PRKG1: variants seen among roughly 807,000 people sequenced by gnomAD.
PRKG1 encodes the protein cGMP-dependent protein kinase 1.
PRKG1 carries 35 observed loss-of-function variants against 88.1 expected under a neutral mutation model. The ratio of observed to expected loss-of-function variants is 0.40; its 90% confidence interval spans 0.30 to 0.53. The LOEUF is 0.53. Ranked by LOEUF, PRKG1 falls within the 20% of genes least tolerant of loss-of-function variation. The pLI is 0.59. For synonymous variants in PRKG1, 303 were observed against 292.5 expected (o/e 1.04, Z -0.37); for missense variants, 540 against 839.8 (o/e 0.64, Z 4.41).
chr10:51,679,656 A>G (rs1840793663), intron 3 of PRKG1, among the ~76,000 whole-genome samples: 1 of 148,866 alleles, frequency 6.7e-6, no homozygotes, highest in African/African-American at 2.5e-5. Context: ...AACCATTTAC[A>G]TAGTTCTGTG....
chr10:51,126,189 A>G (rs1845403950), intron 1 of PRKG1, among the ~76,000 whole-genome samples: 1 of 121,770 alleles, frequency 8.2e-6, no homozygotes, highest in South Asian at 2.5e-4. Context: ...TTTATATATA[A>G]TTATTTATAT....
At chr10:51,031,234 A>T (rs1382827851) in intron 1 of PRKG1, among the ~76,000 whole-genome samples, 1 of 152,172 alleles carries the variant, frequency 6.6e-6, no homozygotes, top group East Asian at 1.9e-4. Flanking sequence ...AAAGGTTATT[A>T]ACATTAATCT....
At chr10:51,992,888 G>A (rs776883480) in intron 5 of PRKG1, among the ~76,000 whole-genome samples, 1 of 152,128 alleles carries the variant, frequency 6.6e-6, no homozygotes, top group Non-Finnish European at 1.5e-5. Flanking sequence ...TAGATATCTA[G>A]AGTGATCTGT....
At chr10:51,784,228 G>A (rs896671479) in intron 3 of PRKG1, among the ~76,000 whole-genome samples, 2 of 152,036 alleles carry the variant, frequency 1.3e-5, no homozygotes, top group African/African-American at 4.8e-5. Context: ...TTAAATACAT[G>A]CTGTGCATGC....
At chr10:51,055,473 A>G (rs1490314777) in intron 1 of PRKG1, among the ~76,000 whole-genome samples, 1 of 152,166 alleles carries the variant, frequency 6.6e-6, no homozygotes. Flanking sequence ...TGCAGGGTCA[A>G]ATAGACAGGT....
chr10:51,694,082 G>T (rs1256089676), intron 3 of PRKG1, among the ~76,000 whole-genome samples: 4 of 152,122 alleles, frequency 2.6e-5, no homozygotes, highest in African/African-American at 9.7e-5. Flanking sequence ...ATAAGAGACT[G>T]ATGAAAAAAG....
intron 2 of PRKG1, among the ~76,000 whole-genome samples, chr10:51,303,140 T>A (rs1840937016): frequency 6.6e-6 from 1 of 152,160 alleles, no homozygotes; most frequent in South Asian, 2.1e-4. Context: ...AGAAAGCTAT[T>A]CCACAAGGGA....
In PRKG1 at chr10:52,271,355, G is replaced by A; in HGVS notation, c.1179G>A (p.Gln393=). Residue 393 remains glutamine (Q), a synonymous_variant, in exon 11 of 18, where the codon CAG becomes CAA. Coordinates refer to ENST00000373980, the MANE Select transcript of PRKG1 (RefSeq NM_006258.4). ...VGGFGRVELV[Q]LKSEESKTFA... ...CTCTTCTCTCTTTCTTTAAGGTCCA[G>A]TTGAAAAGTGAAGAATCCAAAACGT... 1 of 1,612,140 alleles carries A rather than the reference G, an allele frequency of 6.2e-7. No homozygotes were observed. The highest frequency in any genetic ancestry group is 1.1e-5 in the South Asian group (1 of 90,988).
At chr10:51,736,145 G>T (rs1291206600) in intron 3 of PRKG1, among the ~76,000 whole-genome samples, 3 of 151,578 alleles carry the variant, frequency 2.0e-5, no homozygotes, top group Non-Finnish European at 4.4e-5. Context: ...ACCTGCCTTG[G>T]CTTCCTGAAG....
chr10:52,076,010 T>G (rs1846619954), intron 7 of PRKG1, among the ~76,000 whole-genome samples: 1 of 152,128 alleles, frequency 6.6e-6, no homozygotes, highest in Non-Finnish European at 1.5e-5. Context: ...TATCAATTGA[T>G]TTTCAACAAA....
chr10:51,276,998 G>A (rs1840141083), intron 2 of PRKG1, among the ~76,000 whole-genome samples: 2 of 152,102 alleles, frequency 1.3e-5, no homozygotes, highest in African/African-American at 2.4e-5. Flanking sequence ...GGCTTTTGTT[G>A]CCATTGCTTT....
intron 5 of PRKG1, among the ~76,000 whole-genome samples, chr10:51,934,015 G>A (rs748578714): frequency 7.2e-5 from 11 of 152,028 alleles, no homozygotes; most frequent in Non-Finnish European, 1.2e-4. Context: ...TTATTTATGT[G>A]TATAAATACA....
chr10:51,427,303 G>T (rs9888096), intron 2 of PRKG1, among the ~76,000 whole-genome samples: 2,444 of 152,230 alleles, frequency 0.016, 69 homozygotes, highest in African/African-American at 0.056. Context: ...GTGAGCAAAC[G>T]CTGATGCTAA....
chr10:52,217,505 T>G lies in PRKG1; in HGVS notation c.1077-34065T>G, dbSNP rs376459296. On this transcript the variant is annotated intron_variant, in intron 9 of 17. Transcript: ENST00000373980. ...TTTAGTACACCCTACCGTCAAACAATATTTTCACCCTGTCTTCAAATGGTA... is the reference window on the plus strand; with the variant it reads ...TTTAGTACACCCTACCGTCAAACAAGATTTTCACCCTGTCTTCAAATGGTA... Among the ~76,000 whole-genome samples the G allele has an allele frequency of 3.2e-4, 49 of 152,178 alleles. No homozygotes were observed. In the East Asian group the frequency reaches 8.3e-3, roughly 26 times the overall value.
intron 9 of PRKG1, among the ~76,000 whole-genome samples, chr10:52,180,486 G>A (rs1838988139): frequency 6.6e-6 from 1 of 152,142 alleles, no homozygotes; most frequent in Non-Finnish European, 1.5e-5. Flanking sequence ...CATTCATCTG[G>A]TGGAACAGTT....
intron 4 of PRKG1, among the ~76,000 whole-genome samples, chr10:51,852,373 CAT>C (rs960965050): frequency 2.5e-4 from 38 of 149,590 alleles, no homozygotes; most frequent in Admixed American, 3.3e-4. Flanking sequence ...CACACACACA[CAT>C]AGAGAGAGAG....
Position 51,456,504 on chromosome 10 carries a change from GA to G in PRKG1, c.479-11210del, listed in dbSNP as rs200494477. Among the ~76,000 whole-genome samples the G allele has an allele frequency of 3.3e-3, 484 of 146,504 alleles. 5 individuals are homozygous for G. Among genetic ancestry groups the G allele is most frequent in the East Asian group, 0.028 (139 of 5,020 alleles). On this transcript the variant is annotated intron_variant, in intron 2 of 17. Transcript: ENST00000373980. ...ATAAACATTCTAGAAAATAACATAG[GA>G]AAAAAAAACACTTTTAGATATTGGC...
intron 2 of PRKG1, among the ~76,000 whole-genome samples, chr10:51,169,788 G>T (rs1589216323): frequency 6.6e-6 from 1 of 151,974 alleles, no homozygotes; most frequent in Admixed American, 6.6e-5. Flanking sequence ...AACCTTTTTA[G>T]TCATTCCTTC....
chr10:51,800,093 A>G (rs1839127275), intron 3 of PRKG1, among the ~76,000 whole-genome samples: 1 of 152,118 alleles, frequency 6.6e-6, no homozygotes, highest in South Asian at 2.1e-4. Flanking sequence ...GTATAAAAAT[A>G]GCCGCTGTTT....
Sources: allele counts gnomAD v4.1 joint callset (sites outside exome capture counted in the v4.1 genomes callset), GRCh38; gene constraint gnomAD v4.1.1; transcripts MANE v1.5; gene names NCBI Gene and HGNC (gene_info 2026-07-23, HGNC 2026-07-21).